The following IFI44L variants were observed in gnomAD, a reference collection of about 807,000 sequenced individuals.
The protein encoded by IFI44L is interferon-induced protein 44-like.
Under a neutral mutation model 39.3 loss-of-function variants are expected in IFI44L, and 40 were observed. That is an observed-to-expected ratio of 1.02 (90% CI 0.79 to 1.33). The LOEUF is 1.33. Ranked by LOEUF, IFI44L falls within the 40% of genes most tolerant of loss-of-function variation. The pLI, the probability that IFI44L is intolerant of heterozygous loss-of-function variation, is 0.00. For missense variants in IFI44L, 623 were observed against 549.0 expected, an observed-to-expected ratio of 1.13 and a Z score of -1.35; for synonymous variants, 198 against 182.3, an observed-to-expected ratio of 1.09 and a Z score of -0.69.
intron 3 of IFI44L, 58 bp downstream of exon 3, chr1:78,629,057 A>G (rs765902770): frequency 1.7e-4 from 174 of 1,011,844 alleles, no homozygotes; most frequent in Non-Finnish European, 2.5e-4. Context: ...TTGTATAAAG[A>G]ATGCTGACAA....
At chr1:78,637,278 C>T (rs1652985908) in intron 6 of IFI44L, 75 bp downstream of exon 6, 6 of 1,110,938 alleles carry the variant, frequency 5.4e-6, no homozygotes, top group Non-Finnish European at 6.4e-6. Context: ...AAAGAGAGTA[C>T]AGAGATTTCC....
intron 1 of IFI44L, chr1:78,627,135 C>A (rs1443632879): frequency 6.6e-6 from 1 of 151,974 alleles, no homozygotes; most frequent in Non-Finnish European, 1.5e-5. Flanking sequence ...AAATGTGCTC[C>A]CAAATGCCTA....
intron 2 of IFI44L, 73 bp downstream of exon 2, chr1:78,628,466 C>T (rs1406402629): frequency 1.2e-6 from 1 of 867,632 alleles, no homozygotes; most frequent in African/African-American, 1.7e-5. Flanking sequence ...AATAATTGAT[C>T]TACAAGAGCA....
rs767711428 is a variant in IFI44L, at chr1:78,635,480, C to G, written c.867C>G (p.Asp289Glu). 26 of 1,611,594 alleles carry G rather than the reference C, an allele frequency of 1.6e-5. No individual in the cohort carries two copies. Among genetic ancestry groups the G allele is most frequent in the Non-Finnish European group, 2.0e-5 (23 of 1,179,082 alleles). ...IPHILKGCMP[D>E]RYQFNSRKPI... ...ACATCTTAAAAGGTTGTATGCCAGACAGATATCAGGTAAGATTTCTTCAAT... is the reference window on the plus strand; with the variant it reads ...ACATCTTAAAAGGTTGTATGCCAGAGAGATATCAGGTAAGATTTCTTCAAT... Residue 289 changes from aspartate (D) to glutamate (E), a missense_variant, in exon 5 of 9, where the codon GAC becomes GAG. Physicochemically the swap from Asp to Glu is conservative, Grantham distance 45. Transcript: ENST00000370751.
intron 5 of IFI44L, chr1:78,636,080 A>G (rs1652941159): frequency 6.6e-6 from 1 of 152,154 alleles, no homozygotes; most frequent in African/African-American, 2.4e-5. Flanking sequence ...AAAGCCAACA[A>G]TGATTGTTAC....
Position 78,644,014 on chromosome 1 carries a change from A to ATCCTAAT in IFI44L, c.*2205_*2206insTCCTAAT, listed in dbSNP as rs1647020482. ...TTGCTGTTCATTAGGATGGTTTCAC[A>ATCCTAAT]GTTACCATACAAATGTAGAAGCAAC... On this transcript the variant is annotated 3_prime_UTR_variant, in exon 9 of 9. Coordinates refer to ENST00000370751, the MANE Select transcript of IFI44L (RefSeq NM_006820.4). The ATCCTAAT allele has an allele frequency of 1.3e-5, 2 of 152,160 alleles. No individual in the cohort carries two copies. 9.4% of individuals were successfully genotyped at this position (152,160 alleles called of 1,614,324 possible). A position where few individuals can be genotyped will look rare whatever the true frequency, so the allele number is the denominator to read the frequency against.
At chr1:78,641,697 G>A in intron 8 of IFI44L, 78 bp from the exon 9 acceptor site, 2 of 1,604,606 alleles carry the variant, frequency 1.2e-6, no homozygotes, top group South Asian at 1.1e-5. Context: ...GATGACTGGG[G>A]CCCACCTGCA....
rs1647025107 is a variant in IFI44L, at chr1:78,644,447, T to C, written c.*2638T>C. 6.6e-6 allele frequency: 1 copy of C among 152,210 alleles called. No individual in the cohort carries two copies. The highest frequency in any genetic ancestry group is 2.4e-5 in the African/African-American group (1 of 41,448). The allele number at this position is 152,210 out of a possible 1,614,324, so 9.4% of individuals were successfully genotyped here. On this transcript the variant is annotated 3_prime_UTR_variant, in exon 9 of 9. Coordinates refer to ENST00000370751, the MANE Select transcript of IFI44L (RefSeq NM_006820.4). ...ACCACAACTTCTTATTCTCTGGCTC[T>C]ATATTGCTTTGGAAACACTTAAACA...
intron 1 of IFI44L, 135 bp from the exon 2 acceptor site, chr1:78,627,771 A>AT: frequency 2.5e-6 from 1 of 406,338 alleles, no homozygotes; most frequent in Non-Finnish European, 4.3e-6. Context: ...TTTTTGCTAT[A>AT]TTTTTTGCCT....
At chr1:78,630,722 T>C (rs1187370197) in intron 4 of IFI44L, among the ~76,000 whole-genome samples, 2 of 152,164 alleles carry the variant, frequency 1.3e-5, no homozygotes, top group East Asian at 3.8e-4. Context: ...ATTTTAGCTT[T>C]TGTGTCACAT....
intron 7 of IFI44L, 126 bp from the exon 8 acceptor site, chr1:78,641,309 T>C (rs1239580766): frequency 5.4e-6 from 5 of 930,614 alleles, no homozygotes; most frequent in Non-Finnish European, 8.1e-6. Flanking sequence ...TCTGAATTAT[T>C]GTATGTTCCG....
At position 78,637,110 on chromosome 1, in the gene IFI44L, G is replaced by C; in HGVS notation, c.955G>C (p.Val319Leu). 1 of 1,610,900 alleles carries C rather than the reference G, an allele frequency of 6.2e-7. No homozygotes were observed. Among genetic ancestry groups the C allele is most frequent in the Non-Finnish European group, 8.5e-7 (1 of 1,177,896 alleles). Residue 319 changes from valine (V) to leucine (L), a missense_variant, in exon 6 of 9, where the codon GTG becomes CTG. Val to Leu is a conservative substitution (Grantham distance 32, BLOSUM62 1). Coordinates refer to ENST00000370751, the MANE Select transcript of IFI44L (RefSeq NM_006820.4). The part of the protein sequence containing the change: ...SPSLKDRIHC[V>L]AYVLDINSID... ...ATCTCTGAAGGACAGGATTCACTGT[G>C]TGGCTTATGTCTTAGACATCAACTC...
intron 5 of IFI44L, 112 bp downstream of exon 5, chr1:78,635,601 A>G (rs1652920748): frequency 5.9e-6 from 5 of 847,402 alleles, no homozygotes; most frequent in South Asian, 4.6e-5. Flanking sequence ...TTCAACATCA[A>G]TCAACACTAT....
chr1:78,633,742 G>T (rs1652838915), intron 4 of IFI44L, among the ~76,000 whole-genome samples: 1 of 152,052 alleles, frequency 6.6e-6, no homozygotes, highest in African/African-American at 2.4e-5. Context: ...CTAAAGAAAT[G>T]GAGATGTATG....
intron 1 of IFI44L, among the ~76,000 whole-genome samples, chr1:78,624,030 T>A (rs1233584135): frequency 1.3e-5 from 2 of 152,150 alleles, no homozygotes; most frequent in Non-Finnish European, 2.9e-5. Context: ...TTTTTTGAGA[T>A]GGAGTGTCTC....
Position 78,637,034 on chromosome 1 carries a change from TA to T in IFI44L, c.881del (p.Asn294IlefsTer19). On this transcript the variant is annotated frameshift_variant, in exon 6 of 9. Coordinates refer to ENST00000370751, the MANE Select transcript of IFI44L (RefSeq NM_006820.4). LOFTEE classifies it high-confidence loss of function. ...GTTACCTTATGTTTTTATAACAGTTTAATTCCCGTAAACCAATTACACCTGA... is the reference window on the plus strand; with the variant it reads ...GTTACCTTATGTTTTTATAACAGTTTATTCCCGTAAACCAATTACACCTGA... The part of the protein sequence containing the change: ...KGCMPDRYQF[N>X]SRKPITPEHS... 4 of 1,607,406 alleles carry T rather than the reference TA, an allele frequency of 2.5e-6. No homozygotes were observed. Among genetic ancestry groups the T allele is most frequent in the Non-Finnish European group, 3.4e-6 (4 of 1,174,926 alleles).
intron 5 of IFI44L, 93 bp downstream of exon 5, chr1:78,635,582 T>C: frequency 8.7e-7 from 1 of 1,147,032 alleles, no homozygotes; most frequent in South Asian, 1.3e-5. Context: ...TCAACTCCCA[T>C]AATGTGGTTT....
chr1:78,629,513 A>G, intron 3 of IFI44L: 2 of 439,922 alleles, frequency 4.5e-6, no homozygotes, highest in Non-Finnish European at 7.9e-6. Context: ...TCAGATATAA[A>G]ATAATGCATT....
Position 78,644,326 on chromosome 1 carries a change from A to C in IFI44L, c.*2517A>C, listed in dbSNP as rs1166983587. The C allele has an allele frequency of 6.6e-6, 1 of 152,216 alleles. No individual in the cohort carries two copies. Among genetic ancestry groups the C allele is most frequent in the African/African-American group, 2.4e-5 (1 of 41,456 alleles). 9.4% of individuals were successfully genotyped at this position (152,216 alleles called of 1,614,324 possible). ...GAGAGATCAAGAGAGAGAAACAATGAGGAACATTTCATTTGACCCAACATC... is the reference window on the plus strand; with the variant it reads ...GAGAGATCAAGAGAGAGAAACAATGCGGAACATTTCATTTGACCCAACATC... On this transcript the variant is annotated 3_prime_UTR_variant, in exon 9 of 9. Coordinates refer to ENST00000370751, the MANE Select transcript of IFI44L (RefSeq NM_006820.4).
Sources: allele counts gnomAD v4.1 joint callset (sites outside exome capture counted in the v4.1 genomes callset), GRCh38; gene constraint gnomAD v4.1.1; transcripts MANE v1.5; gene names NCBI Gene and HGNC (gene_info 2026-07-23, HGNC 2026-07-21).